Variants in SCN8A observed in about 807,000 individuals in gnomAD.
SCN8A encodes sodium channel protein type 8 subunit alpha.
A neutral mutation model predicts 184.1 loss-of-function variants in SCN8A; 30 were observed. That is an observed-to-expected ratio of 0.16 (90% CI 0.12 to 0.22). SCN8A has a LOEUF of 0.22. Ranked by LOEUF, SCN8A falls within the 10% of genes least tolerant of loss-of-function variation. The probability of loss-of-function intolerance (pLI) is 1.00; values close to 1 mark genes in which losing one functional copy is unlikely to be tolerated. For missense variants in SCN8A, 1,057 were observed against 2,498.9 expected (o/e 0.42, Z 12.30); for synonymous variants, 852 against 907.0 (o/e 0.94, Z 1.09).
At chr12:51,713,562 G>T in intron 11 of SCN8A, 3 of 724,932 alleles carry the variant, frequency 4.1e-6, no homozygotes, top group Non-Finnish European at 7.5e-6. Flanking sequence ...AATGTCGACG[G>T]CTGGAGTCGG....
intron 12 of SCN8A, among the ~76,000 whole-genome samples, chr12:51,743,979 T>A (rs1942468817): frequency 6.6e-6 from 1 of 152,138 alleles, no homozygotes; most frequent in Admixed American, 6.5e-5. Context: ...TCCACACCAC[T>A]TAGCAAACAA....
chr12:51,716,882 T>C (rs1202208620), intron 11 of SCN8A, among the ~76,000 whole-genome samples: 1 of 152,202 alleles, frequency 6.6e-6, no homozygotes, highest in Non-Finnish European at 1.5e-5. Context: ...CTACCTCCTT[T>C]ATCTAACTCA....
At chr12:51,700,104 T>C (rs536735987) in intron 7 of SCN8A, among the ~76,000 whole-genome samples, 13 of 150,332 alleles carry the variant, frequency 8.6e-5, no homozygotes, top group Non-Finnish European at 8.8e-5. Flanking sequence ...AGGCGGAGGT[T>C]GCGGTGAGCC....
intron 1 of SCN8A, among the ~76,000 whole-genome samples, chr12:51,623,356 C>T (rs1327802058): frequency 6.6e-6 from 1 of 152,178 alleles, no homozygotes; most frequent in Admixed American, 6.5e-5. Context: ...TTGACTCCAA[C>T]TCAGTACTGC....
In SCN8A at chr12:51,689,140, T is replaced by C. The variant is rs770465945; in HGVS notation, c.706+44T>C. 10 of 1,379,394 alleles carry C rather than the reference T, an allele frequency of 7.2e-6. No homozygotes were observed. In the Admixed American group the frequency reaches 1.7e-4, roughly 24 times the overall value. 85.4% of individuals were successfully genotyped at this position (1,379,394 alleles called of 1,614,324 possible). On this transcript the variant is annotated intron_variant, in intron 6 of 26. Coordinates refer to ENST00000627620, the MANE Select transcript of SCN8A (RefSeq NM_001330260.2). ...AAGACTGACTTTGCCACATCTCCTC[T>C]TTCTCCTCCATTCGTTTTGTCCACC...
chr12:51,602,396 A>G (rs1051639050), intron 1 of SCN8A, among the ~76,000 whole-genome samples: 1 of 152,216 alleles, frequency 6.6e-6, no homozygotes, highest in Non-Finnish European at 1.5e-5. Flanking sequence ...AGTTACCTAG[A>G]ATAGTCAAAT....
intron 1 of SCN8A, among the ~76,000 whole-genome samples, chr12:51,605,600 GT>G (rs2138566586): frequency 6.6e-6 from 1 of 152,290 alleles, no homozygotes; most frequent in South Asian, 2.1e-4. Context: ...TTTCCTCTGG[GT>G]GGATACCCAG....
At chr12:51,633,795 G>A (rs900764834) in intron 1 of SCN8A, among the ~76,000 whole-genome samples, 6 of 152,128 alleles carry the variant, frequency 3.9e-5, no homozygotes, top group African/African-American at 7.2e-5. Context: ...ATACTCTGGC[G>A]CAGACTAGGG....
intron 11 of SCN8A, among the ~76,000 whole-genome samples, chr12:51,717,829 A>G (rs1196294284): frequency 6.6e-6 from 1 of 152,186 alleles, no homozygotes; most frequent in Non-Finnish European, 1.5e-5. Flanking sequence ...CTAGAGACCT[A>G]TATATAGCAT....
intron 26 of SCN8A, among the ~76,000 whole-genome samples, chr12:51,804,841 T>C (rs1023534421): frequency 2.2e-4 from 33 of 152,198 alleles, no homozygotes; most frequent in African/African-American, 8.0e-4. Context: ...AAGTCACTCC[T>C]GAGAGTCCCT....
At position 51,694,013 on chromosome 12, in the gene SCN8A, A is replaced by T. The variant is rs1281526071; in HGVS notation, c.706+4917A>T. Among the ~76,000 whole-genome samples, 3 of 152,132 alleles carry T rather than the reference A, an allele frequency of 2.0e-5. No individual in the cohort carries two copies. The South Asian group carries it at 6.2e-4, about 32-fold the overall frequency. On this transcript the variant is annotated intron_variant, in intron 6 of 26. Coordinates refer to ENST00000627620, the MANE Select transcript of SCN8A (RefSeq NM_001330260.2). Reference sequence around the variant, plus strand: ...AACGGCCTGATCTCAGCTCACTGCAACCGCCACCTCCTGGGTTCAAGCGAT... The same window carrying T: ...AACGGCCTGATCTCAGCTCACTGCATCCGCCACCTCCTGGGTTCAAGCGAT...
chr12:51,780,587 T>TGGTTAAC, intron 20 of SCN8A, 62 bp from the exon 21 acceptor site: 1 of 324,644 alleles, frequency 3.1e-6, no homozygotes, highest in Non-Finnish European at 5.1e-6. Context: ...TTTTTTTTTT[T>TGGTTAAC]TTTTTTTTTT....
intron 1 of SCN8A, among the ~76,000 whole-genome samples, chr12:51,635,980 C>G (rs2138623151): frequency 6.6e-6 from 1 of 152,218 alleles, no homozygotes; most frequent in Non-Finnish European, 1.5e-5. Context: ...ATAACTACTA[C>G]ACCCAGAGTT....
intron 12 of SCN8A, 59 bp from the exon 13 acceptor site, chr12:51,745,844 C>T: frequency 7.1e-7 from 1 of 1,416,144 alleles, no homozygotes; most frequent in African/African-American, 1.4e-5. Flanking sequence ...AAGTAAGGCC[C>T]AGATTTACCT....
At chr12:51,665,888 C>T (rs11831834) in intron 2 of SCN8A, among the ~76,000 whole-genome samples, 3,573 of 152,036 alleles carry the variant, frequency 0.024, 123 homozygotes, top group African/African-American at 0.079. Context: ...ATGGTGAAAC[C>T]CCATCTCTAT....
chr12:51,640,862 A>G (rs746020128), intron 1 of SCN8A, among the ~76,000 whole-genome samples: 1 of 152,252 alleles, frequency 6.6e-6, no homozygotes, highest in Non-Finnish European at 1.5e-5. Context: ...GTGGTTAACA[A>G]TAGTTAAGGT....
intron 5 of SCN8A, 95 bp from the exon 6 acceptor site, chr12:51,688,910 C>T (rs1646128915): frequency 6.4e-7 from 1 of 1,566,402 alleles, no homozygotes; most frequent in Non-Finnish European, 8.8e-7. Context: ...ACGTATTGTA[C>T]TTTTTGTTTT....
chr12:51,792,779 G>C (rs1361791303), intron 25 of SCN8A, among the ~76,000 whole-genome samples: 1 of 152,182 alleles, frequency 6.6e-6, no homozygotes, highest in Non-Finnish European at 1.5e-5. Context: ...GTCTCTCTCT[G>C]TTAACCAGGC....
Position 51,613,465 on chromosome 12 carries a change from C to G in SCN8A, c.-55+22106C>G, listed in dbSNP as rs1939766952. Among the ~76,000 whole-genome samples, 5 of 152,048 alleles carry G rather than the reference C, an allele frequency of 3.3e-5. No homozygotes were observed. In the South Asian group the frequency reaches 1.0e-3, roughly 32 times the overall value. Reference sequence around the variant, plus strand: ...CTATGGTGATATACTTTCTTTTATTCCTGATATTGATAGTTTGTATATTCA... The same window carrying G: ...CTATGGTGATATACTTTCTTTTATTGCTGATATTGATAGTTTGTATATTCA... On this transcript the variant is annotated intron_variant, in intron 1 of 26. Transcript: ENST00000627620.
Sources: gnomAD v4.1 joint callset for allele counts (sites outside exome capture counted in the v4.1 genomes callset) on GRCh38, gnomAD v4.1.1 for gene constraint, MANE v1.5 for transcripts, NCBI Gene and HGNC (gene_info 2026-07-23, HGNC 2026-07-21) for gene names.